ITIH6: variants seen among roughly 807,000 people sequenced by gnomAD.
ITIH6 encodes the protein inter-alpha-trypsin inhibitor heavy chain H6.
In ITIH6, 60 loss-of-function variants were observed where a neutral mutation model predicts 58.2. The observed-to-expected ratio is 1.03, with a 90% confidence interval of 0.84 to 1.28. ITIH6 has a LOEUF of 1.28. Ranked by LOEUF, ITIH6 falls within the 50% of genes most tolerant of loss-of-function variation. ITIH6 has a pLI of 0.00. For missense variants in ITIH6, 1,290 were observed against 1,021.1 expected (o/e 1.26, Z -3.59); for synonymous variants, 493 against 417.4 (o/e 1.18, Z -2.21).
Position 54,774,146 on chromosome X carries a change from T to C in ITIH6, c.838A>G (p.Met280Val), listed in dbSNP as rs1314536944. The stretch of plus-strand genomic sequence containing the variant: ...ATAACAAAAACCACATTCTTCTCCA[T>C]AGGTGGAAGGCCTCTGGGGGCAAAG... ...HYFAPRGLPP[M>V]EKNVVFVIDV... Residue 280 changes from methionine (M) to valine (V), a missense_variant, in exon 6 of 13, where the codon ATG becomes GTG. Coordinates refer to ENST00000218436, the MANE Select transcript of ITIH6 (RefSeq NM_198510.3). The C allele has an allele frequency of 5.1e-6, 6 of 1,178,274 alleles. No individual in the cohort carries two copies. Among genetic ancestry groups the C allele is most frequent in the East Asian group, 3.1e-5 (1 of 32,609 alleles).
At chrX:54,786,149 A>G (rs1484670028) in intron 5 of ITIH6, among the ~76,000 whole-genome samples, 2 of 111,639 alleles carry the variant, frequency 1.8e-5, no homozygotes, top group African/African-American at 3.3e-5. Context: ...CATCATCCAC[A>G]TGGTCACTCT....
chrX:54,752,124 G>A, intron 11 of ITIH6, among the ~76,000 whole-genome samples: 1 of 111,545 alleles, frequency 9.0e-6, no homozygotes, highest in South Asian at 3.8e-4. Context: ...TGTACACCAT[G>A]GTGTGTATGA....
Position 54,759,779 on chromosome X carries a change from A to T in ITIH6, c.1052T>A (p.Leu351Gln). ...IQNVHSAKDY[L>Q]HCMEADGWTD... ...ACAGCCATCGGCTTCCATGCAATGC[A>T]GGTAGTCCTTGGCACTGTGGACATT... is the stretch of plus-strand genomic sequence containing the variant. The change falls in exon 7 of 13, where the codon CTG (leucine) becomes CAG (glutamine). Residue 351 changes from leucine to glutamine, a missense_variant. By Grantham distance (113) the Leu-to-Gln change is moderately radical. Coordinates refer to ENST00000218436, the MANE Select transcript of ITIH6 (RefSeq NM_198510.3). 8.3e-7 allele frequency: 1 copy of T among 1,210,172 alleles called. No homozygotes were observed. Among genetic ancestry groups the T allele is most frequent in the Non-Finnish European group, 1.1e-6 (1 of 894,616 alleles).
chrX:54,783,737 A>G (rs759362720), intron 5 of ITIH6, among the ~76,000 whole-genome samples: 2 of 112,089 alleles, frequency 1.8e-5, no homozygotes, highest in Non-Finnish European at 3.8e-5. Flanking sequence ...GGAAGACTCA[A>G]TATTGTTAAA....
At chrX:54,751,978 ACCTTGG>A (rs933530319) in intron 11 of ITIH6, among the ~76,000 whole-genome samples, 8 of 111,066 alleles carry the variant, frequency 7.2e-5, no homozygotes, top group Non-Finnish European at 7.5e-5. Context: ...ATTGGGATTA[ACCTTGG>A]GGTATTCAGT....
chrX:54,756,941 C>T (rs1194829505), intron 8 of ITIH6, 24 bp downstream of exon 8: 1 of 1,040,111 alleles, frequency 9.6e-7, no homozygotes, highest in African/African-American at 1.9e-5. Context: ...CCTCATGGCT[C>T]GACCTCTTAC....
chrX:54,757,616 A>G lies in ITIH6; in HGVS notation c.2458T>C (p.Tyr820His). The change falls in exon 8 of 13, where the codon TAC becomes CAC. Residue 820 changes from tyrosine to histidine, a missense_variant. Transcript: ENST00000218436. ...ACCCTAGGTCTGGTGTGTAGTGGGT[A>G]CTTGGGAACCTGAAGTGTAGAGACT... Reference protein sequence around the residue: ...PGVSTLQVPKYPLHTRPRVPA... With the variant: ...PGVSTLQVPKHPLHTRPRVPA... 8.3e-7 allele frequency: 1 copy of G among 1,211,039 alleles called. No homozygotes were observed. The highest frequency in any genetic ancestry group is 2.2e-5 in the Admixed American group (1 of 45,966).
chrX:54,789,425 C>T (rs1488332380), intron 4 of ITIH6, among the ~76,000 whole-genome samples: 1 of 112,178 alleles, frequency 8.9e-6, no homozygotes, highest in Admixed American at 9.4e-5. Context: ...CCCATACTCT[C>T]TGAGGCGCCT....
intron 6 of ITIH6, among the ~76,000 whole-genome samples, chrX:54,761,434 T>G (rs1043033916): frequency 1.7e-4 from 19 of 111,257 alleles, no homozygotes; most frequent in South Asian, 3.8e-4. Context: ...AGAAGCTCTT[T>G]AGTTTAATTA....
chrX:54,785,893 C>G (rs143855743), intron 5 of ITIH6, among the ~76,000 whole-genome samples: 1,648 of 111,090 alleles, frequency 0.015, 18 homozygotes, highest in Middle Eastern at 0.023. Flanking sequence ...TCCCTTCTGG[C>G]TCCACACATG....
At position 54,751,146 on chromosome X, in the gene ITIH6, C is replaced by G; in HGVS notation, c.3587G>C (p.Arg1196Pro). The change falls in exon 12 of 13, where the codon CGC (arginine) becomes CCC (proline). Residue 1196 changes from arginine to proline, a missense_variant. Physicochemically the swap from Arg to Pro is moderately radical, Grantham distance 103. Coordinates refer to ENST00000218436, the MANE Select transcript of ITIH6 (RefSeq NM_198510.3). ...QLELYVAAAA[R>P]LTLRLGPYLE... ...GTAGGGCCCAAGGCGGAGGGTAAGG[C>G]GGGCTGCAGCAGCCACATAGAGCTC... The G allele has an allele frequency of 8.3e-7, 1 of 1,209,905 alleles. No homozygotes were observed. The highest frequency in any genetic ancestry group is 1.1e-6 in the Non-Finnish European group (1 of 894,629).
intron 6 of ITIH6, among the ~76,000 whole-genome samples, chrX:54,769,557 A>G (rs9742896): frequency 2.4e-4 from 25 of 105,876 alleles, no homozygotes; most frequent in African/African-American, 6.3e-4. Flanking sequence ...ATGGGTTTTC[A>G]GTGTGGATGT....
In ITIH6 at chrX:54,758,722, C is replaced by T. The variant is rs750304500; in HGVS notation, c.1352G>A (p.Arg451His). The change falls in exon 8 of 13, where the codon CGC (arginine) becomes CAC (histidine). Residue 451 changes from arginine (R) to histidine (H), a missense_variant. Arg to His is a conservative substitution (Grantham distance 29). Transcript: ENST00000218436. ...GGCCGCATCAGTGTCCTCATATATGCGCCGGGCTATTCCCCGGTTTTCCAG... is the reference window on the plus strand; with the variant it reads ...GGCCGCATCAGTGTCCTCATATATGTGCCGGGCTATTCCCCGGTTTTCCAG... The part of the protein sequence containing the change: ...LSLENRGIAR[R>H]IYEDTDAALQ... 6 of 1,211,241 alleles carry T rather than the reference C, an allele frequency of 5.0e-6. No homozygotes were observed. The South Asian group carries it at 5.3e-5, about 11-fold the overall frequency.
intron 6 of ITIH6, among the ~76,000 whole-genome samples, chrX:54,770,020 C>T (rs1393861917): frequency 1.8e-5 from 2 of 111,460 alleles, no homozygotes; most frequent in African/African-American, 6.5e-5. Flanking sequence ...GCTGTGCTAG[C>T]AATCAGCGAG....
At chrX:54,770,048 C>T (rs1928912146) in intron 6 of ITIH6, among the ~76,000 whole-genome samples, 1 of 112,118 alleles carries the variant, frequency 8.9e-6, no homozygotes, top group Non-Finnish European at 1.9e-5. Context: ...GGGCGTAGGA[C>T]CCTCCGAGCC....
chrX:54,759,313 C>T (rs1240084421), intron 7 of ITIH6, among the ~76,000 whole-genome samples: 1 of 111,424 alleles, frequency 9.0e-6, no homozygotes. Flanking sequence ...CTAGCACCCC[C>T]CCCTCCAACC....
At chrX:54,781,961 C>A (rs1929157751) in intron 5 of ITIH6, among the ~76,000 whole-genome samples, 1 of 111,662 alleles carries the variant, frequency 9.0e-6, no homozygotes, top group Non-Finnish European at 1.9e-5. Flanking sequence ...GGCCATTATC[C>A]TTAGCAAACT....
rs1245571649 is a variant in ITIH6 at position 54,755,110 on chromosome X, C to T, written c.3110-1G>A. The T allele has an allele frequency of 8.4e-7, 1 of 1,194,400 alleles. No homozygotes were observed. Among genetic ancestry groups the T allele is most frequent in the Non-Finnish European group, 1.1e-6 (1 of 882,246 alleles). ...GAATTGCCATCCCAGTTTGGACTTC[C>T]TGCCAAGCACAAAAGAAATAAGAAA... On this transcript the variant is annotated splice_acceptor_variant, in intron 8 of 12. Transcript: ENST00000218436. LOFTEE classifies it high-confidence loss of function.
chrX:54,777,129 C>A lies in ITIH6; in HGVS notation c.787-2932G>T, dbSNP rs192683796. Reference sequence around the variant, plus strand: ...CGTATACCACAAGCTGACTGAAGAACCTTTGGGCCTTAAGGGAAAATCGGT... The same window carrying A: ...CGTATACCACAAGCTGACTGAAGAAACTTTGGGCCTTAAGGGAAAATCGGT... On this transcript the variant is annotated intron_variant, in intron 5 of 12. Coordinates refer to ENST00000218436, the MANE Select transcript of ITIH6 (RefSeq NM_198510.3). Among the ~76,000 whole-genome samples, 441 of 112,226 alleles carry A rather than the reference C, an allele frequency of 3.9e-3. 5 individuals are homozygous for A. The highest frequency in any genetic ancestry group is 0.014 in the African/African-American group (418 of 30,902).
Sources: gnomAD v4.1 joint callset for allele counts (sites outside exome capture counted in the v4.1 genomes callset) on GRCh38, gnomAD v4.1.1 for gene constraint, MANE v1.5 for transcripts, NCBI Gene and HGNC (gene_info 2026-07-23, HGNC 2026-07-21) for gene names.